Variants in ASIC1 observed in about 807,000 individuals in gnomAD.
ASIC1 encodes acid-sensing ion channel 1.
In ASIC1, 21 loss-of-function variants were observed where a neutral mutation model predicts 63.4. That is an observed-to-expected ratio of 0.33 (90% confidence interval 0.23 to 0.48). The LOEUF is 0.48. ASIC1 is among the 20% of genes least tolerant of loss of function. ASIC1 has a pLI of 0.99. For missense variants in ASIC1, 478 were observed against 695.5 expected (o/e 0.69, Z 3.52); for synonymous variants, 258 against 278.2 (o/e 0.93, Z 0.72).
chr12:50,068,380 T>G (rs1950566084), intron 3 of ASIC1, among the ~76,000 whole-genome samples: 1 of 152,226 alleles, frequency 6.6e-6, no homozygotes, highest in Non-Finnish European at 1.5e-5. Flanking sequence ...CCTGGGCACA[T>G]GACTAGCTAT....
intron 3 of ASIC1, among the ~76,000 whole-genome samples, chr12:50,075,564 C>T (rs532631323): frequency 6.6e-6 from 1 of 152,332 alleles, no homozygotes; most frequent in East Asian, 1.9e-4. Flanking sequence ...CTCTCTTTGC[C>T]TCATCTCTGG....
Position 50,078,275 on chromosome 12 carries a change from A to AGT in ASIC1, c.838-146_838-145insGT, listed in dbSNP as rs1950678709. 6.6e-7 allele frequency: 1 copy of AGT among 1,503,870 alleles called. No homozygotes were observed. The highest frequency in any genetic ancestry group is 9.0e-7 in the Non-Finnish European group (1 of 1,114,550). The allele number at this position is 1,503,870 out of a possible 1,614,324, so 93.2% of individuals were successfully genotyped here. The stretch of plus-strand genomic sequence containing the variant: ...AAGCATGAGTGATCGAATGAACAAG[A>AGT]ATGCTCTGTAAACTCTGAGACCTTT... On this transcript the variant is annotated intron_variant, in intron 5 of 11. Coordinates refer to ENST00000447966, the MANE Select transcript of ASIC1 (RefSeq NM_001095.4). This position sits in a 1 kb window ranked among gnomAD's most constrained non-coding sequence, Gnocchi z 6.0.
rs1025767787 is a variant in ASIC1 at position 50,059,248 on chromosome 12, C to G, written c.362+120C>G. The G allele has an allele frequency of 8.7e-6, 12 of 1,371,506 alleles. No individual in the cohort carries two copies. The highest frequency in any genetic ancestry group is 5.8e-5 in the African/African-American group (4 of 69,154). 85.0% of individuals were successfully genotyped at this position (1,371,506 alleles called of 1,614,324 possible). On this transcript the variant is annotated intron_variant, in intron 2 of 11. Coordinates refer to ENST00000447966, the MANE Select transcript of ASIC1 (RefSeq NM_001095.4). The surrounding 1 kb of genome is among the most constrained non-coding windows in gnomAD (Gnocchi z 4.6). The stretch of plus-strand genomic sequence containing the variant: ...AACCCTGCCCTTTAACCCACCCCCA[C>G]CCCCAAACCTGCCACTCACAGCAGA...
chr12:50,080,595 C>T lies in ASIC1; in HGVS notation c.1297+6C>T. On this transcript the variant is annotated splice_donor_region_variant and intron_variant, in intron 9 of 11. Transcript: ENST00000447966. Reference sequence around the variant, plus strand: ...TGAGATTGCAGGGCTCCTGGGTGAGCTGCTGATGACACCTGTCCCCTTCTC... The same window carrying T: ...TGAGATTGCAGGGCTCCTGGGTGAGTTGCTGATGACACCTGTCCCCTTCTC... 1 of 1,614,228 alleles carries T rather than the reference C, an allele frequency of 6.2e-7. No homozygotes were observed.
At position 50,078,307 on chromosome 12, in the gene ASIC1, T is replaced by C; in HGVS notation, c.838-114T>C. On this transcript the variant is annotated intron_variant, in intron 5 of 11. Transcript: ENST00000447966. This position sits in a 1 kb window ranked among gnomAD's most constrained non-coding sequence, Gnocchi z 6.0. ...TGTAAACTCTGAGACCTTTGGAGGC[T>C]GCAGAGGGAGAGGGGAGCAGAACTC... 1 of 1,520,060 alleles carries C rather than the reference T, an allele frequency of 6.6e-7. No individual in the cohort carries two copies. Among genetic ancestry groups the C allele is most frequent in the Non-Finnish European group, 8.9e-7 (1 of 1,119,976 alleles). The allele number at this position is 1,520,060 out of a possible 1,614,324, so 94.2% of individuals were successfully genotyped here.
At chr12:50,080,166 G>T (rs2307081) in intron 8 of ASIC1, 111 bp downstream of exon 8, 4 of 1,430,198 alleles carry the variant, frequency 2.8e-6, no homozygotes, top group Admixed American at 4.8e-5. Flanking sequence ...GAGATAACAC[G>T]GGGAAGGTCC....
chr12:50,070,168 A>G (rs1950584710), intron 3 of ASIC1, among the ~76,000 whole-genome samples: 1 of 152,202 alleles, frequency 6.6e-6, no homozygotes, highest in Non-Finnish European at 1.5e-5. Context: ...CAGAGGGTTC[A>G]GGACTGAGTG....
In ASIC1 at chr12:50,058,733, C is replaced by T. The variant is rs767016399; in HGVS notation, c.-16-18C>T. 3 of 1,551,210 alleles carry T rather than the reference C, an allele frequency of 1.9e-6. No homozygotes were observed. Among genetic ancestry groups the T allele is most frequent in the African/African-American group, 1.4e-5 (1 of 73,756 alleles). On this transcript the variant is annotated intron_variant, in intron 1 of 11. Coordinates refer to ENST00000447966, the MANE Select transcript of ASIC1 (RefSeq NM_001095.4). ...TCATCCCAGGACAATGATAGACTGT[C>T]CCTCCCTCCTCCCCCAGGATCCCCT...
Position 50,059,806 on chromosome 12 carries a change from T to C in ASIC1, c.410T>C (p.Ile137Thr). 6.2e-7 allele frequency: 1 copy of C among 1,614,108 alleles called. No homozygotes were observed. The highest frequency in any genetic ancestry group is 8.5e-7 in the Non-Finnish European group (1 of 1,179,996). The change falls in exon 3 of 12, where the codon ATA becomes ACA. Residue 137 changes from isoleucine to threonine, a missense_variant. By Grantham distance (89) the Ile-to-Thr change is moderately conservative. Transcript: ENST00000447966. This position sits in a 1 kb window ranked among gnomAD's most constrained non-coding sequence, Gnocchi z 4.6. ...TQMADEKQLE[I>T]LQDKANFRSF... ...ATGGCAGATGAAAAGCAGCTGGAGA[T>C]ACTGCAGGACAAAGCCAACTTCCGC...
At chr12:50,067,603 G>C in intron 3 of ASIC1, among the ~76,000 whole-genome samples, 1 of 152,056 alleles carries the variant, frequency 6.6e-6, no homozygotes, top group East Asian at 1.9e-4. Flanking sequence ...ATTTTTCGTA[G>C]AGACGGGTTT....
At chr12:50,080,877 C>A in intron 9 of ASIC1, 1 of 859,954 alleles carries the variant, frequency 1.2e-6, no homozygotes, top group Non-Finnish European at 1.8e-6. Flanking sequence ...ATTTTGTAAA[C>A]GATTATTTTT....
At chr12:50,062,619 C>T (rs504013) in intron 3 of ASIC1, among the ~76,000 whole-genome samples, 142,414 of 152,152 alleles carry the variant, frequency 0.94, 66,916 homozygotes, top group Non-Finnish European at 0.98. Flanking sequence ...CAAAGTATAG[C>T]GTGCGGGGGC....
At chr12:50,064,178 A>G (rs1950525334) in intron 3 of ASIC1, among the ~76,000 whole-genome samples, 2 of 152,018 alleles carry the variant, frequency 1.3e-5, no homozygotes, top group South Asian at 4.2e-4. Flanking sequence ...ACTTTGGGGG[A>G]AGGGTTCCTG....
chr12:50,065,114 A>G (rs1950534283), intron 3 of ASIC1, among the ~76,000 whole-genome samples: 1 of 152,176 alleles, frequency 6.6e-6, no homozygotes, highest in Non-Finnish European at 1.5e-5. Flanking sequence ...GTGTCTCCCC[A>G]GCTAACTAAA....
intron 3 of ASIC1, among the ~76,000 whole-genome samples, chr12:50,072,492 G>A (rs548921281): frequency 1.3e-5 from 2 of 152,038 alleles, no homozygotes; most frequent in African/African-American, 2.4e-5. Context: ...GACTGAGGCC[G>A]GGAGTCTGCA....
chr12:50,060,716 A>G (rs1950493708), intron 3 of ASIC1, among the ~76,000 whole-genome samples: 1 of 152,186 alleles, frequency 6.6e-6, no homozygotes, highest in South Asian at 2.1e-4. Flanking sequence ...CAGGGAGGGC[A>G]TAGGGAAACT....
intron 3 of ASIC1, 84 bp from the exon 4 acceptor site, chr12:50,077,129 C>T: frequency 6.2e-7 from 1 of 1,605,346 alleles, no homozygotes; most frequent in Non-Finnish European, 8.5e-7. Context: ...GTTGAGATTC[C>T]AACAGCTGGG....
At position 50,077,970 on chromosome 12, in the gene ASIC1, T is replaced by C. The variant is rs909740593; in HGVS notation, c.710-30T>C. 73 of 1,592,026 alleles carry C rather than the reference T, an allele frequency of 4.6e-5. No individual in the cohort carries two copies. The Admixed American group carries it at 1.2e-3, about 27-fold the overall frequency. On this transcript the variant is annotated intron_variant, in intron 4 of 11. Coordinates refer to ENST00000447966, the MANE Select transcript of ASIC1 (RefSeq NM_001095.4). ...AGGGGTGTTAGGGAGTCAGGAGCCC[T>C]CCCAACCCACACACTCCTCATTCCC...
chr12:50,072,070 C>G (rs904621811), intron 3 of ASIC1, among the ~76,000 whole-genome samples: 1 of 152,182 alleles, frequency 6.6e-6, no homozygotes, highest in Non-Finnish European at 1.5e-5. Context: ...GCCAAAGGTT[C>G]CACATCACTC....
Sources: gnomAD v4.1 joint callset for allele counts (sites outside exome capture counted in the v4.1 genomes callset) on GRCh38, gnomAD v4.1.1 for gene constraint, Gnocchi (gnomAD v3.1) non-coding constraint, MANE v1.5 for transcripts, NCBI Gene and HGNC (gene_info 2026-07-23, HGNC 2026-07-21) for gene names.